Variants in OR10G4 observed in about 807,000 individuals in gnomAD.
The protein encoded by OR10G4 is olfactory receptor family 10 subfamily G member 4.
For missense variants in OR10G4, 318 were observed against 388.8 expected, an observed-to-expected ratio of 0.82 and a Z score of 1.53; for synonymous variants, 130 against 159.3, an observed-to-expected ratio of 0.82 and a Z score of 1.39.
intron 1 of OR10G4, 59 bp from the exon 2 acceptor site, chr11:124,015,489 A>T: frequency 1.4e-6 from 2 of 1,469,802 alleles, no homozygotes; most frequent in Non-Finnish European, 1.9e-6. Context: ...TTCCACATAG[A>T]GAATGGATTC....
In OR10G4 at chr11:124,013,066, A is replaced by G. The variant is rs983256674; in HGVS notation, c.-74A>G. 6.6e-6 allele frequency: 1 copy of G among 152,184 alleles called. No homozygotes were observed. The highest frequency in any genetic ancestry group is 1.5e-5 in the Non-Finnish European group (1 of 68,030). 9.4% of individuals were successfully genotyped at this position (152,184 alleles called of 1,614,324 possible). A position where few individuals can be genotyped will look rare whatever the true frequency, so the allele number is the denominator to read the frequency against. The stretch of plus-strand genomic sequence containing the variant: ...TGGGTAGAAAGTGAAAAATTGGGGG[A>G]AAAAGTTAGATGAGTTTTACTACTG... On this transcript the variant is annotated 5_prime_UTR_variant, in exon 1 of 2. Transcript: ENST00000641722.
chr11:124,017,027 C>T lies in OR10G4; in HGVS notation c.*517C>T, dbSNP rs1204514050. 2 of 152,178 alleles carry T rather than the reference C, an allele frequency of 1.3e-5. No homozygotes were observed. The highest frequency in any genetic ancestry group is 2.9e-5 in the Non-Finnish European group (2 of 68,076). 9.4% of individuals were successfully genotyped at this position (152,178 alleles called of 1,614,324 possible). On this transcript the variant is annotated 3_prime_UTR_variant, in exon 2 of 2. Transcript: ENST00000641722. Reference sequence around the variant, plus strand: ...CCAAACATGTATACAAAAGAAAGTACATGACATTTAGCATATTTAACATAT... The same window carrying T: ...CCAAACATGTATACAAAAGAAAGTATATGACATTTAGCATATTTAACATAT...
Position 124,016,608 on chromosome 11 carries a change from T to A in OR10G4, c.*98T>A, listed in dbSNP as rs1864023842. ...TATGTATAGTTCTCAGTGTTAAACTTTATTCCAAAACACCTGCACAGTTAT... is the reference window on the plus strand; with the variant it reads ...TATGTATAGTTCTCAGTGTTAAACTATATTCCAAAACACCTGCACAGTTAT... On this transcript the variant is annotated 3_prime_UTR_variant, in exon 2 of 2. Coordinates refer to ENST00000641722, the MANE Select transcript of OR10G4 (RefSeq NM_001004462.2). 6.9e-6 allele frequency: 5 copies of A among 721,948 alleles called. No homozygotes were observed. The Admixed American group carries it at 1.5e-4, about 22-fold the overall frequency. 44.7% of individuals were successfully genotyped at this position (721,948 alleles called of 1,614,324 possible). A position where few individuals can be genotyped will look rare whatever the true frequency, so the allele number is the denominator to read the frequency against.
rs547870 is a variant in OR10G4 at position 124,015,583 on chromosome 11, C to T, written c.9C>T (p.Asn3=). The T allele has an allele frequency of 1.0e-4, 168 of 1,608,138 alleles. No individual in the cohort carries two copies. Among genetic ancestry groups the T allele is most frequent in the East Asian group, 2.7e-4 (12 of 44,796 alleles). MS[N]ASLVTAFILT... ...ACCAAGGGTGAGAAGAAATGTCCAACGCCAGCCTCGTGACAGCATTCATCC... is the reference window on the plus strand; with the variant it reads ...ACCAAGGGTGAGAAGAAATGTCCAATGCCAGCCTCGTGACAGCATTCATCC... Residue 3 remains asparagine (N), a synonymous_variant, in exon 2 of 2, where the codon AAC becomes AAT. Transcript: ENST00000641722.
Position 124,013,052 on chromosome 11 carries a change from T to C in OR10G4, c.-88T>C, listed in dbSNP as rs934582940. On this transcript the variant is annotated 5_prime_UTR_variant, in exon 1 of 2. Coordinates refer to ENST00000641722, the MANE Select transcript of OR10G4 (RefSeq NM_001004462.2). ...GTGCCTATACGTAGTGGGTAGAAAGTGAAAAATTGGGGGAAAAAGTTAGAT... is the reference window on the plus strand; with the variant it reads ...GTGCCTATACGTAGTGGGTAGAAAGCGAAAAATTGGGGGAAAAAGTTAGAT... 1.3e-5 allele frequency: 2 copies of C among 152,182 alleles called. No individual in the cohort carries two copies. Among genetic ancestry groups the C allele is most frequent in the Admixed American group, 6.6e-5 (1 of 15,266 alleles). 9.4% of individuals were successfully genotyped at this position (152,182 alleles called of 1,614,324 possible).
At position 124,016,156 on chromosome 11, in the gene OR10G4, C is replaced by T. The variant is rs567111591; in HGVS notation, c.582C>T (p.Asn194=). ...TGGCCTGTGCAGACACCTCAGCCAA[C>T]GTGATGGTCATCTTTGTGGACATTG... The part of the protein sequence containing the change: ...LKLACADTSA[N]VMVIFVDIGI... The change falls in exon 2 of 2, where the codon AAC becomes AAT. Residue 194 remains asparagine (N), a synonymous_variant. Coordinates refer to ENST00000641722, the MANE Select transcript of OR10G4 (RefSeq NM_001004462.2). 37 of 1,614,128 alleles carry T rather than the reference C, an allele frequency of 2.3e-5. No individual in the cohort carries two copies. Among genetic ancestry groups the T allele is most frequent in the South Asian group, 1.2e-4 (11 of 91,084 alleles).
intron 1 of OR10G4, among the ~76,000 whole-genome samples, 168 bp downstream of exon 1, chr11:124,013,280 G>T (rs1863986721): frequency 6.6e-6 from 1 of 152,006 alleles, no homozygotes; most frequent in Non-Finnish European, 1.5e-5. Flanking sequence ...ATACAAATAG[G>T]GACCAAATGT....
chr11:124,016,057 G>T lies in OR10G4; in HGVS notation c.483G>T (p.Leu161Phe), dbSNP rs751784417. 1.9e-6 allele frequency: 3 copies of T among 1,613,750 alleles called. No individual in the cohort carries two copies. Among genetic ancestry groups the T allele is most frequent in the East Asian group, 4.5e-5 (2 of 44,876 alleles). The part of the protein sequence containing the change: ...GSLHSAVQTI[L>F]TFHLPYCGPN... ...TGCACTCTGCTGTCCAGACCATATT[G>T]ACTTTCCATTTGCCCTACTGTGGAC... Residue 161 changes from leucine (L) to phenylalanine (F), a missense_variant, in exon 2 of 2, where the codon TTG becomes TTT. Coordinates refer to ENST00000641722, the MANE Select transcript of OR10G4 (RefSeq NM_001004462.2).
chr11:124,015,988 C>T lies in OR10G4; in HGVS notation c.414C>T (p.Ser138=). ...GGTACACCAGCATGATGAGTGGGAG[C>T]AGGTGTGCCCTCCTGGCCACCGGCA... is the stretch of plus-strand genomic sequence containing the variant. ...PLRYTSMMSG[S]RCALLATGTW... The change falls in exon 2 of 2, where the codon AGC becomes AGT. Residue 138 remains serine, a synonymous_variant. Coordinates refer to ENST00000641722, the MANE Select transcript of OR10G4 (RefSeq NM_001004462.2). The T allele has an allele frequency of 3.1e-6, 5 of 1,614,072 alleles. No individual in the cohort carries two copies. The highest frequency in any genetic ancestry group is 4.2e-6 in the Non-Finnish European group (5 of 1,179,966).
chr11:124,015,818 A>T lies in OR10G4; in HGVS notation c.244A>T (p.Thr82Ser). The T allele has an allele frequency of 6.2e-7, 1 of 1,607,612 alleles. No individual in the cohort carries two copies. The highest frequency in any genetic ancestry group is 8.5e-7 in the Non-Finnish European group (1 of 1,175,078). The change falls in exon 2 of 2, where the codon ACC becomes TCC. Residue 82 changes from threonine to serine, a missense_variant. Thr to Ser is a moderately conservative substitution (Grantham distance 58, BLOSUM62 1). Transcript: ENST00000641722. ...TGTCACGGTGCCCAAAATGCTGATGACCTTGGTGTCCCCAAGCGGCAGGGC... is the reference window on the plus strand; with the variant it reads ...TGTCACGGTGCCCAAAATGCTGATGTCCTTGGTGTCCCCAAGCGGCAGGGC... ...STVTVPKMLMTLVSPSGRAIS... is the reference protein window; with the variant it reads ...STVTVPKMLMSLVSPSGRAIS...
intron 1 of OR10G4, 175 bp from the exon 2 acceptor site, chr11:124,015,373 G>A (rs78900177): frequency 0.028 from 18,034 of 647,250 alleles, 316 homozygotes; most frequent in Middle Eastern, 0.039. Context: ...CTGTGTGCAT[G>A]TGTGTGAGAG....
In OR10G4 at chr11:124,015,958, G is replaced by A. The variant is rs765160603; in HGVS notation, c.384G>A (p.Pro128=). The change falls in exon 2 of 2, where the codon CCG becomes CCA. Residue 128 remains proline, a synonymous_variant. Coordinates refer to ENST00000641722, the MANE Select transcript of OR10G4 (RefSeq NM_001004462.2). ...ATCGCTACTTGGCCATCAGTTACCC[G>A]CTCAGGTACACCAGCATGATGAGTG... ...SYDRYLAISY[P]LRYTSMMSGS... The A allele has an allele frequency of 5.6e-6, 9 of 1,613,704 alleles. No homozygotes were observed. Among genetic ancestry groups the A allele is most frequent in the South Asian group, 2.2e-5 (2 of 91,068 alleles).
chr11:124,018,065 A>G lies in OR10G4; in HGVS notation c.*1555A>G, dbSNP rs1864035653. The stretch of plus-strand genomic sequence containing the variant: ...AAAATTAGTCTCGATCCTATTTCAT[A>G]CTATACACATAAAAAACTCAATTAT... On this transcript the variant is annotated 3_prime_UTR_variant, in exon 2 of 2. Coordinates refer to ENST00000641722, the MANE Select transcript of OR10G4 (RefSeq NM_001004462.2). 6.6e-6 allele frequency: 1 copy of G among 152,230 alleles called. No individual in the cohort carries two copies. The highest frequency in any genetic ancestry group is 6.5e-5 in the Admixed American group (1 of 15,282). 9.4% of individuals were successfully genotyped at this position (152,230 alleles called of 1,614,324 possible).
In OR10G4 at chr11:124,016,320, G is replaced by A. The variant is rs763441444; in HGVS notation, c.746G>A (p.Cys249Tyr). ...TCASHCIVVL[C>Y]FFVPCVVIYL... ...GCCTCCCACTGTATTGTGGTCCTTT[G>A]CTTCTTTGTTCCCTGTGTTGTCATT... Residue 249 changes from cysteine (C) to tyrosine (Y), a missense_variant, in exon 2 of 2, where the codon TGC (cysteine) becomes TAC (tyrosine). Physicochemically the swap from Cys to Tyr is radical, Grantham distance 194. Coordinates refer to ENST00000641722, the MANE Select transcript of OR10G4 (RefSeq NM_001004462.2). The A allele has an allele frequency of 1.9e-5, 30 of 1,614,036 alleles. No homozygotes were observed. The highest frequency in any genetic ancestry group is 2.3e-5 in the Non-Finnish European group (27 of 1,180,038).
intron 1 of OR10G4, chr11:124,015,179 C>A: frequency 4.1e-6 from 1 of 242,390 alleles, no homozygotes; most frequent in Non-Finnish European, 8.0e-6. Flanking sequence ...TCTGGGGACA[C>A]ATTGATTGAG....
chr11:124,016,780 G>C lies in OR10G4; in HGVS notation c.*270G>C, dbSNP rs1170708677. The C allele has an allele frequency of 3.9e-6, 1 of 253,486 alleles. No homozygotes were observed. Among genetic ancestry groups the C allele is most frequent in the East Asian group, 7.2e-5 (1 of 13,898 alleles). 15.7% of individuals were successfully genotyped at this position (253,486 alleles called of 1,614,324 possible). On this transcript the variant is annotated 3_prime_UTR_variant, in exon 2 of 2. Transcript: ENST00000641722. ...AAACATATTTTAATCAAATCTCAGG[G>C]ATAGATGATTAATTCATGTTTATAA...
intron 1 of OR10G4, among the ~76,000 whole-genome samples, chr11:124,013,909 A>C (rs1484258798): frequency 6.6e-6 from 1 of 152,140 alleles, no homozygotes; most frequent in East Asian, 1.9e-4. Context: ...GAATATGTGG[A>C]GGAGGGGAAG....
In OR10G4 at chr11:124,016,405, G is replaced by C. The variant is rs753564169; in HGVS notation, c.831G>C (p.Val277=). The C allele has an allele frequency of 1.1e-4, 176 of 1,614,080 alleles. No homozygotes were observed. The highest frequency in any genetic ancestry group is 3.1e-5 in the Non-Finnish European group (37 of 1,180,034). The change falls in exon 2 of 2, where the codon GTG becomes GTC. Residue 277 remains valine (V), a synonymous_variant. Transcript: ENST00000641722. ...MDGVVAIFYT[V]LTPLLNPVVY... is the part of the protein sequence containing the mutation. ...GAGTTGTGGCCATTTTCTACACTGT[G>C]CTGACGCCCCTTCTCAACCCTGTTG...
chr11:124,015,855 A>T lies in OR10G4; in HGVS notation c.281A>T (p.His94Leu), dbSNP rs1400954913. Reference protein sequence around the residue: ...VSPSGRAISFHSCVAQLYFFH... With the variant: ...VSPSGRAISFLSCVAQLYFFH... ...CCAAGCGGCAGGGCTATCTCCTTCC[A>T]CAGCTGCGTGGCTCAGCTCTATTTT... The change falls in exon 2 of 2, where the codon CAC becomes CTC. Residue 94 changes from histidine (H) to leucine (L), a missense_variant. His to Leu is a moderately conservative substitution (Grantham distance 99). Transcript: ENST00000641722. 9 of 1,611,612 alleles carry T rather than the reference A, an allele frequency of 5.6e-6. No individual in the cohort carries two copies. The highest frequency in any genetic ancestry group is 7.6e-6 in the Non-Finnish European group (9 of 1,178,360).
Sources: gnomAD v4.1 joint callset for allele counts (sites outside exome capture counted in the v4.1 genomes callset) on GRCh38, gnomAD v4.1.1 for gene constraint, MANE v1.5 for transcripts, NCBI Gene and HGNC (gene_info 2026-07-23, HGNC 2026-07-21) for gene names.